The following RUNX1 variants were observed in gnomAD, a reference collection of about 807,000 sequenced individuals.
RUNX1 encodes RUNX family transcription factor 1, also known as runt-related transcription factor 1.
In RUNX1, 19 loss-of-function variants were observed where a neutral mutation model predicts 42.8. That is an observed-to-expected ratio of 0.44 (90% CI 0.31 to 0.65). The LOEUF is 0.65. RUNX1 is among the 30% of genes least tolerant of loss of function. The pLI, the probability that RUNX1 is intolerant of heterozygous loss-of-function variation, is 0.07. For missense variants in RUNX1, 528 were observed against 672.0 expected (o/e 0.79, Z 2.37); for synonymous variants, 271 against 289.4 (o/e 0.94, Z 0.64).
chr21:34,813,245 A>C (rs770580342), intron 7 of RUNX1, among the ~76,000 whole-genome samples: 2 of 152,154 alleles, frequency 1.3e-5, no homozygotes, highest in Non-Finnish European at 2.9e-5. Flanking sequence ...CCTACAACAG[A>C]GAATGATCCT....
chr21:34,916,090 T>C (rs2058309997), intron 2 of RUNX1, among the ~76,000 whole-genome samples: 1 of 152,204 alleles, frequency 6.6e-6, no homozygotes, highest in Non-Finnish European at 1.5e-5. Flanking sequence ...ATTCTAGTGA[T>C]GGCAGAAAGC....
intron 2 of RUNX1, among the ~76,000 whole-genome samples, chr21:35,010,343 T>C (rs2059116786): frequency 6.6e-6 from 1 of 152,138 alleles, no homozygotes; most frequent in Admixed American, 6.5e-5. Flanking sequence ...ACACTCCTTT[T>C]TTTAAAAAAA....
chr21:35,023,709 G>C (rs2059215678), intron 2 of RUNX1, among the ~76,000 whole-genome samples: 3 of 152,136 alleles, frequency 2.0e-5, no homozygotes. Flanking sequence ...GGAGCCTGAG[G>C]GTGGGAAATG....
chr21:35,033,606 G>A (rs942037220), intron 2 of RUNX1, among the ~76,000 whole-genome samples: 6 of 152,184 alleles, frequency 3.9e-5, no homozygotes, highest in South Asian at 2.1e-4. Flanking sequence ...ACTACTACCA[G>A]AAATTTCGGG....
chr21:34,937,576 G>C (rs963845606), intron 2 of RUNX1, among the ~76,000 whole-genome samples: 2 of 151,868 alleles, frequency 1.3e-5, no homozygotes, highest in African/African-American at 4.8e-5. Context: ...AATATTCAAG[G>C]AATAGTTTCT....
At chr21:35,035,518 A>T (rs2059301534) in intron 2 of RUNX1, among the ~76,000 whole-genome samples, 1 of 152,162 alleles carries the variant, frequency 6.6e-6, no homozygotes, top group South Asian at 2.1e-4. Flanking sequence ...TTTATTTTTT[A>T]TTTTTAGCCA....
intron 2 of RUNX1, among the ~76,000 whole-genome samples, chr21:35,010,708 A>C (rs1481807418): frequency 6.6e-6 from 1 of 152,102 alleles, no homozygotes; most frequent in Non-Finnish European, 1.5e-5. Flanking sequence ...TTTAGAAAAA[A>C]ATGTGCAACT....
At chr21:34,960,398 G>A (rs1406928184) in intron 2 of RUNX1, among the ~76,000 whole-genome samples, 2 of 152,178 alleles carry the variant, frequency 1.3e-5, no homozygotes, top group East Asian at 3.8e-4. Flanking sequence ...CTGACTGGGT[G>A]CAGACCAACA....
intron 6 of RUNX1, among the ~76,000 whole-genome samples, chr21:34,849,334 ATATATAT>A (rs1157330306): frequency 3.4e-5 from 1 of 29,686 alleles, no homozygotes; most frequent in Non-Finnish European, 6.7e-5. Context: ...TATATATACT[ATATATAT>A]TATATATAGT....
chr21:34,810,204 G>A (rs1172551243), intron 7 of RUNX1, among the ~76,000 whole-genome samples: 3 of 152,238 alleles, frequency 2.0e-5, no homozygotes, highest in Non-Finnish European at 2.9e-5. Context: ...CTTTTTTGAT[G>A]TTGTAAAATG....
intron 2 of RUNX1, among the ~76,000 whole-genome samples, chr21:34,922,514 G>A (rs1369773609): frequency 2.0e-5 from 3 of 152,192 alleles, no homozygotes; most frequent in Non-Finnish European, 4.4e-5. Context: ...TTACATTGAT[G>A]TTCCAAGCAG....
intron 6 of RUNX1, among the ~76,000 whole-genome samples, chr21:34,842,720 CACAT>C (rs1235001901): frequency 6.6e-6 from 1 of 152,020 alleles, no homozygotes; most frequent in Non-Finnish European, 1.5e-5. Context: ...CACACATACA[CACAT>C]ACAGACATGC....
chr21:35,012,074 TA>T (rs1243906253), intron 2 of RUNX1, among the ~76,000 whole-genome samples: 1 of 152,200 alleles, frequency 6.6e-6, no homozygotes, highest in African/African-American at 2.4e-5. Context: ...GGGGATTTTT[TA>T]AAAAATAGTT....
chr21:35,047,822 C>A (rs1047137139), intron 2 of RUNX1, among the ~76,000 whole-genome samples: 68 of 152,202 alleles, frequency 4.5e-4, no homozygotes, highest in African/African-American at 1.6e-3. Context: ...TTTGCCAAAC[C>A]ATCAAGATAC....
At chr21:34,870,125 A>T (rs889369379) in intron 5 of RUNX1, among the ~76,000 whole-genome samples, 1 of 152,166 alleles carries the variant, frequency 6.6e-6, no homozygotes, top group African/African-American at 2.4e-5. Context: ...TGAAATAAGG[A>T]TAAGGATTGT....
chr21:34,945,987 T>G (rs1418088426), intron 2 of RUNX1, among the ~76,000 whole-genome samples: 3 of 152,220 alleles, frequency 2.0e-5, no homozygotes, highest in Admixed American at 2.0e-4. Flanking sequence ...TTCCTGGTTT[T>G]CCAGGTTTGG....
intron 3 of RUNX1, chr21:34,889,920 G>T: frequency 1.0e-6 from 1 of 966,698 alleles, no homozygotes; most frequent in Middle Eastern, 4.3e-4. Flanking sequence ...CCCAGTCCCC[G>T]GATCCCGGCC....
chr21:35,047,551 A>ACT (rs2059406909), intron 2 of RUNX1, among the ~76,000 whole-genome samples: 44 of 95,418 alleles, frequency 4.6e-4, no homozygotes, highest in African/African-American at 7.4e-4. Context: ...ACACACACAC[A>ACT]CACACACACA....
intron 2 of RUNX1, among the ~76,000 whole-genome samples, chr21:34,906,885 G>A (rs1250832740): frequency 6.6e-6 from 1 of 152,184 alleles, no homozygotes; most frequent in Non-Finnish European, 1.5e-5. Flanking sequence ...TTAAGAAGCA[G>A]AGCCCATCTC....
Sources: gnomAD v4.1 joint callset for allele counts (sites outside exome capture counted in the v4.1 genomes callset) on GRCh38, gnomAD v4.1.1 for gene constraint, MANE v1.5 for transcripts, NCBI Gene and HGNC (gene_info 2026-07-23, HGNC 2026-07-21) for gene names.